Variants in ARHGAP42 observed in about 807,000 individuals in gnomAD.
ARHGAP42 encodes rho GTPase-activating protein 42.
ARHGAP42 carries 63 observed loss-of-function variants against 125.0 expected under a neutral mutation model. That is an observed-to-expected ratio of 0.50 (90% CI 0.41 to 0.62). The LOEUF (loss-of-function observed/expected upper bound fraction) is 0.62, where lower values mean the gene tolerates loss of function less well. ARHGAP42 is among the 20% of genes least tolerant of loss of function. The probability of loss-of-function intolerance (pLI) is 0.00; values close to 1 mark genes in which losing one functional copy is unlikely to be tolerated. For synonymous variants in ARHGAP42, 339 were observed against 351.0 expected, an observed-to-expected ratio of 0.97 and a Z score of 0.38; for missense variants, 766 against 1,024.2, an observed-to-expected ratio of 0.75 and a Z score of 3.44.
intron 3 of ARHGAP42, among the ~76,000 whole-genome samples, chr11:100,801,501 G>A (rs1189131876): frequency 6.6e-6 from 1 of 152,178 alleles, no homozygotes; most frequent in Non-Finnish European, 1.5e-5. Context: ...CATCTTGGTA[G>A]TTTAATGACT....
At position 100,993,814 on chromosome 11, in the gene ARHGAP42, C is replaced by T. The variant is rs192356865; in HGVS notation, c.*5013C>T. On this transcript the variant is annotated 3_prime_UTR_variant, in exon 24 of 24. Transcript: ENST00000298815. ...TATCTGCACTTTGTGTATATATACA[C>T]ACATACATATGCCAACATGTAAATA... 6.0e-6 allele frequency: 1 copy of T among 167,094 alleles called. No individual in the cohort carries two copies. The highest frequency in any genetic ancestry group is 6.5e-5 in the Admixed American group (1 of 15,294). The allele number at this position is 167,094 out of a possible 1,614,324, so 10.4% of individuals were successfully genotyped here.
intron 4 of ARHGAP42, among the ~76,000 whole-genome samples, chr11:100,890,068 T>G (rs1289240720): frequency 2.0e-5 from 3 of 152,120 alleles, no homozygotes; most frequent in Admixed American, 2.0e-4. Flanking sequence ...GCACAAAATC[T>G]AAGGGAAGAT....
chr11:100,978,607 T>C (rs1440049091), intron 21 of ARHGAP42, among the ~76,000 whole-genome samples: 1 of 152,210 alleles, frequency 6.6e-6, no homozygotes, highest in African/African-American at 2.4e-5. Flanking sequence ...TGAACAACAG[T>C]TCTTTTGTCA....
chr11:100,844,252 G>C (rs1865010688), intron 3 of ARHGAP42, among the ~76,000 whole-genome samples: 1 of 151,576 alleles, frequency 6.6e-6, no homozygotes, highest in African/African-American at 2.4e-5. Flanking sequence ...CCACATCTAG[G>C]AGAATGAAAC....
At position 100,784,249 on chromosome 11, in the gene ARHGAP42, T is replaced by G. The variant is rs866530905; in HGVS notation, c.251-10856T>G. 4.4e-4 allele frequency among the ~76,000 whole-genome samples: 67 copies of G among 152,350 alleles called. No homozygotes were observed. The Middle Eastern group carries it at 0.014, about 31-fold the overall frequency. ...TCTTGGACTAAGTTACATAGGCACG[T>G]ACCTTATGGCCACATCATGGGGGCC... On this transcript the variant is annotated intron_variant, in intron 2 of 23. Coordinates refer to ENST00000298815, the MANE Select transcript of ARHGAP42 (RefSeq NM_152432.4).
At chr11:100,872,038 C>G (rs1254384134) in intron 4 of ARHGAP42, among the ~76,000 whole-genome samples, 4 of 152,230 alleles carry the variant, frequency 2.6e-5, no homozygotes, top group African/African-American at 9.6e-5. Flanking sequence ...CCACTGCACC[C>G]AGCCTGGTTC....
At chr11:100,758,315 A>G (rs1034608406) in intron 1 of ARHGAP42, among the ~76,000 whole-genome samples, 1 of 152,246 alleles carries the variant, frequency 6.6e-6, no homozygotes, top group Non-Finnish European at 1.5e-5. Context: ...GCAGATATCT[A>G]TTAACTACTG....
intron 22 of ARHGAP42, among the ~76,000 whole-genome samples, chr11:100,981,989 G>T (rs1858555652): frequency 6.6e-6 from 1 of 152,142 alleles, no homozygotes; most frequent in South Asian, 2.1e-4. Context: ...AGGTGCAGCT[G>T]GAACCAGGAG....
chr11:100,893,289 G>A (rs1279907492), intron 4 of ARHGAP42, among the ~76,000 whole-genome samples: 1 of 151,928 alleles, frequency 6.6e-6, no homozygotes, highest in African/African-American at 2.4e-5. Context: ...CCAGTTTGTT[G>A]TAGGTTGATG....
chr11:100,856,791 T>G (rs1865332226), intron 3 of ARHGAP42, among the ~76,000 whole-genome samples: 1 of 152,102 alleles, frequency 6.6e-6, no homozygotes, highest in Non-Finnish European at 1.5e-5. Flanking sequence ...TTCAATTAAT[T>G]CTTTGAGGAA....
intron 17 of ARHGAP42, among the ~76,000 whole-genome samples, chr11:100,972,649 C>T (rs1405157789): frequency 6.6e-6 from 1 of 152,176 alleles, no homozygotes; most frequent in Non-Finnish European, 1.5e-5. Flanking sequence ...TTGAAACAGC[C>T]ACCTCTGTCC....
At chr11:100,947,408 A>G (rs1284428834) in intron 10 of ARHGAP42, among the ~76,000 whole-genome samples, 1 of 151,998 alleles carries the variant, frequency 6.6e-6, no homozygotes, top group Non-Finnish European at 1.5e-5. Context: ...GTCTTAACAC[A>G]TTCCGGTTAT....
At position 100,773,865 on chromosome 11, in the gene ARHGAP42, T is replaced by A. The variant is rs150267266; in HGVS notation, c.250+3427T>A. Among the ~76,000 whole-genome samples the A allele has an allele frequency of 2.2e-3, 339 of 151,934 alleles. 2 individuals carry two copies. The highest frequency in any genetic ancestry group is 7.8e-3 in the African/African-American group (324 of 41,394). On this transcript the variant is annotated intron_variant, in intron 2 of 23. Transcript: ENST00000298815. ...GGGCTTTGTGAAGTTAAATCTCAGG[T>A]TGGAGATCAGGAGATGAAGAATCTA...
intron 3 of ARHGAP42, among the ~76,000 whole-genome samples, chr11:100,836,100 G>A (rs900216994): frequency 7.2e-5 from 11 of 152,112 alleles, no homozygotes; most frequent in African/African-American, 2.7e-4. Flanking sequence ...CTCATGAGAA[G>A]TCAGTCAAAT....
At chr11:100,871,889 A>G (rs1266530513) in intron 4 of ARHGAP42, among the ~76,000 whole-genome samples, 2 of 152,170 alleles carry the variant, frequency 1.3e-5, no homozygotes, top group Non-Finnish European at 2.9e-5. Context: ...GATTACAGGC[A>G]TGTGCCATCA....
At chr11:100,961,160 A>AG (rs1420279424) in intron 14 of ARHGAP42, among the ~76,000 whole-genome samples, 171 bp downstream of exon 14, 1 of 152,126 alleles carries the variant, frequency 6.6e-6, no homozygotes, top group Non-Finnish European at 1.5e-5. Flanking sequence ...TGAGAATTTG[A>AG]GGGGGCATTT....
At chr11:100,918,921 T>G (rs899128544) in intron 5 of ARHGAP42, among the ~76,000 whole-genome samples, 8 of 152,220 alleles carry the variant, frequency 5.3e-5, no homozygotes, top group African/African-American at 1.9e-4. Context: ...AAGAAATGAC[T>G]TAATACTTTT....
intron 4 of ARHGAP42, among the ~76,000 whole-genome samples, chr11:100,875,918 A>G (rs932193775): frequency 1.3e-5 from 2 of 152,196 alleles, no homozygotes; most frequent in African/African-American, 4.8e-5. Flanking sequence ...TTACCTGTTT[A>G]TGTGTTCTCT....
intron 17 of ARHGAP42, among the ~76,000 whole-genome samples, chr11:100,968,363 C>G (rs1356341599): frequency 6.6e-6 from 1 of 151,970 alleles, no homozygotes; most frequent in Non-Finnish European, 1.5e-5. Flanking sequence ...TTCATGTTGT[C>G]TTTGCTATTC....
Sources: allele counts gnomAD v4.1 joint callset (sites outside exome capture counted in the v4.1 genomes callset), GRCh38; gene constraint gnomAD v4.1.1; transcripts MANE v1.5; gene names NCBI Gene and HGNC (gene_info 2026-07-23, HGNC 2026-07-21).